TENM2: variants seen among roughly 807,000 people sequenced by gnomAD.
TENM2 encodes the protein teneurin transmembrane protein 2.
Under a neutral mutation model 245.2 loss-of-function variants are expected in TENM2, and 52 were observed. That is an observed-to-expected ratio of 0.21 (90% confidence interval 0.17 to 0.27). The LOEUF (loss-of-function observed/expected upper bound fraction) is 0.27. TENM2 is among the 10% of genes least tolerant of loss of function. TENM2 has a pLI of 1.00. For synonymous variants in TENM2, 1,363 were observed against 1,438.9 expected, an observed-to-expected ratio of 0.95 and a Z score of 1.19; for missense variants, 3,046 against 3,666.8, an observed-to-expected ratio of 0.83 and a Z score of 4.37.
the TENM2 span, among the ~76,000 whole-genome samples, chr5:167,197,535 T>C: frequency 6.6e-6 from 1 of 152,102 alleles, no homozygotes; most frequent in African/African-American, 2.4e-5. Context: ...ATTGATTATT[T>C]GTGATCAAAA....
the TENM2 span, among the ~76,000 whole-genome samples, chr5:167,116,029 G>A: frequency 6.6e-6 from 1 of 152,198 alleles, no homozygotes; most frequent in African/African-American, 2.4e-5. Flanking sequence ...CACGCTGTCT[G>A]GCACATGGTA....
intron 2 of TENM2, among the ~76,000 whole-genome samples, chr5:167,854,717 G>C (rs1045674751): frequency 7.2e-5 from 11 of 152,162 alleles, no homozygotes; most frequent in African/African-American, 2.2e-4. Context: ...CAAGCACATT[G>C]CATATATATG....
At chr5:167,145,632 T>C in the TENM2 span, among the ~76,000 whole-genome samples, 1 of 152,230 alleles carries the variant, frequency 6.6e-6, no homozygotes, top group Admixed American at 6.5e-5. Flanking sequence ...ATTATTAATG[T>C]TATTATGAAC....
chr5:168,120,219 T>G (rs766847418), intron 10 of TENM2, among the ~76,000 whole-genome samples: 20 of 152,224 alleles, frequency 1.3e-4, no homozygotes, highest in Non-Finnish European at 1.9e-4. Flanking sequence ...CCCCCAGATC[T>G]TCACTTGCTC....
chr5:168,118,399 A>G (rs750482369), exon 10 of TENM2: 1 of 1,611,896 alleles, frequency 6.2e-7, no homozygotes, highest in Non-Finnish European at 8.5e-7. Flanking sequence ...GAATCAGTGC[A>G]TCGATCCTTC....
chr5:168,010,547 T>G (rs1308532570), intron 5 of TENM2, among the ~76,000 whole-genome samples: 2 of 152,226 alleles, frequency 1.3e-5, no homozygotes, highest in Admixed American at 1.3e-4. Context: ...CAACAGCATC[T>G]TTTAGAACAG....
chr5:168,236,963 TATATATATATATATATATATATATATA>T (rs1562318711), intron 25 of TENM2, among the ~76,000 whole-genome samples: 1 of 3,702 alleles, frequency 2.7e-4, no homozygotes, highest in Non-Finnish European at 6.6e-4. Context: ...TATATATATA[TATATATATATATATATATATATATATA>T]TATATATATA....
chr5:167,835,855 TC>T (rs1417144909), intron 2 of TENM2, among the ~76,000 whole-genome samples: 1 of 151,990 alleles, frequency 6.6e-6, no homozygotes, highest in Non-Finnish European at 1.5e-5. Context: ...CCAACACCCC[TC>T]CCCTTTTTAA....
chr5:167,920,442 C>T (rs185884907), intron 3 of TENM2, among the ~76,000 whole-genome samples: 1,603 of 151,302 alleles, frequency 0.011, 31 homozygotes, highest in African/African-American at 0.037. Flanking sequence ...TGCTTGAACC[C>T]GGGAGGTGGA....
At chr5:167,713,067 T>C (rs1039532846) in intron 2 of TENM2, among the ~76,000 whole-genome samples, 1 of 152,114 alleles carries the variant, frequency 6.6e-6, no homozygotes, top group Non-Finnish European at 1.5e-5. Flanking sequence ...TGTATACATA[T>C]GTGCGTGTGT....
At chr5:168,214,733 T>C in intron 20 of TENM2, 1 of 486,512 alleles carries the variant, frequency 2.1e-6, no homozygotes, top group Non-Finnish European at 4.0e-6. Context: ...TGGTCTTGAA[T>C]AACTATCCTG....
chr5:167,333,199 A>G (rs1757556414), intron 1 of TENM2, among the ~76,000 whole-genome samples: 1 of 152,230 alleles, frequency 6.6e-6, no homozygotes, highest in African/African-American at 2.4e-5. Context: ...AGGCTGAATT[A>G]CTAATGGATT....
the TENM2 span, among the ~76,000 whole-genome samples, chr5:167,183,588 C>G: frequency 6.6e-6 from 1 of 152,110 alleles, no homozygotes; most frequent in African/African-American, 2.4e-5. Flanking sequence ...TTTACCAACC[C>G]AGCTGTTTGA....
chr5:167,754,598 A>C (rs1036998436), intron 2 of TENM2, among the ~76,000 whole-genome samples: 1 of 151,830 alleles, frequency 6.6e-6, no homozygotes, highest in East Asian at 1.9e-4. Flanking sequence ...GAGATGTGTC[A>C]GCAACTAAGA....
the TENM2 span, among the ~76,000 whole-genome samples, chr5:167,228,733 C>A: frequency 3.3e-5 from 5 of 149,508 alleles, no homozygotes; most frequent in East Asian, 9.8e-4. Context: ...GAGATGGAGT[C>A]TCGCTCTGTC....
intron 2 of TENM2, among the ~76,000 whole-genome samples, chr5:167,798,557 G>A (rs2150933551): frequency 6.6e-6 from 1 of 152,286 alleles, no homozygotes; most frequent in Admixed American, 6.5e-5. Context: ...AGCCCCTTCT[G>A]TGGGTGGCAT....
chr5:167,848,362 G>A (rs1166535124), intron 2 of TENM2, among the ~76,000 whole-genome samples: 1 of 152,168 alleles, frequency 6.6e-6, no homozygotes, highest in Non-Finnish European at 1.5e-5. Flanking sequence ...TTGTGGTAAA[G>A]TGGAGAGTGC....
At chr5:168,098,047 G>A (rs202216293) in exon 9 of TENM2, 185 of 1,613,236 alleles carry the variant, frequency 1.1e-4, no homozygotes, top group Non-Finnish European at 1.4e-4. Context: ...GACTGTCCAC[G>A]TAACTGCCAT....
chr5:167,575,121 A>AG (rs1219859317), intron 2 of TENM2, among the ~76,000 whole-genome samples: 15 of 151,188 alleles, frequency 9.9e-5, no homozygotes, highest in Admixed American at 4.0e-4. Flanking sequence ...TGAGAAAGAA[A>AG]AAAAAAAAAA....
Sources: allele counts gnomAD v4.1 joint callset (sites outside exome capture counted in the v4.1 genomes callset), GRCh38; gene constraint gnomAD v4.1.1; transcripts MANE v1.5; gene names NCBI Gene and HGNC (gene_info 2026-07-23, HGNC 2026-07-21).